The following ELOC variants were observed in gnomAD, a reference collection of about 807,000 sequenced individuals.
ELOC encodes elongin-C.
For missense variants in ELOC, 38 were observed against 139.0 expected, an observed-to-expected ratio of 0.27 and a Z score of 3.65; for synonymous variants, 40 against 51.3, an observed-to-expected ratio of 0.78 and a Z score of 0.94.
chr8:73,957,786 A>G (rs969990128), intron 2 of ELOC, among the ~76,000 whole-genome samples: 2 of 152,020 alleles, frequency 1.3e-5, no homozygotes, highest in African/African-American at 4.8e-5. Context: ...CTATTTGTTT[A>G]TTTATTTTTA....
At chr8:73,953,065 G>T (rs781219976) in intron 3 of ELOC, among the ~76,000 whole-genome samples, 1 of 152,158 alleles carries the variant, frequency 6.6e-6, no homozygotes. Context: ...AGCACTTTGC[G>T]AGGCCGAGGT....
intron 1 of ELOC, among the ~76,000 whole-genome samples, chr8:73,965,473 C>T (rs1002426374): frequency 6.6e-6 from 1 of 152,054 alleles, no homozygotes; most frequent in Non-Finnish European, 1.5e-5. Context: ...TCTACTGATA[C>T]AACATGGAAG....
chr8:73,955,702 T>C lies in ELOC; in HGVS notation c.148+209A>G, dbSNP rs574553126. On this transcript the variant is annotated intron_variant, in intron 3 of 3. Coordinates refer to ENST00000520242, the MANE Select transcript of ELOC (RefSeq NM_005648.4). ...ATTGCCTGAACCCAGCAGGCGGAGATTGCAGTGAGCTGAGACCGCACCATT... is the reference window on the plus strand; with the variant it reads ...ATTGCCTGAACCCAGCAGGCGGAGACTGCAGTGAGCTGAGACCGCACCATT... 292 of 558,740 alleles carry C rather than the reference T, an allele frequency of 5.2e-4. 1 individual carries two copies. The highest frequency in any genetic ancestry group is 9.2e-4 in the Admixed American group (28 of 30,584). The allele number at this position is 558,740 out of a possible 1,614,324, so 34.6% of individuals were successfully genotyped here. A position where few individuals can be genotyped will look rare whatever the true frequency, so the allele number is the denominator to read the frequency against.
chr8:73,967,160 G>C (rs917770611), intron 1 of ELOC, among the ~76,000 whole-genome samples: 1 of 152,064 alleles, frequency 6.6e-6, no homozygotes, highest in Non-Finnish European at 1.5e-5. Flanking sequence ...TATGTATCAA[G>C]GGCCTACCAT....
At chr8:73,962,219 C>T (rs1312126337) in intron 1 of ELOC, among the ~76,000 whole-genome samples, 1 of 152,134 alleles carries the variant, frequency 6.6e-6, no homozygotes, top group Non-Finnish European at 1.5e-5. Context: ...AACAACTCTT[C>T]CACAAGGGAA....
chr8:73,969,678 CA>C (rs1215996296), intron 1 of ELOC: 2 of 152,168 alleles, frequency 1.3e-5, no homozygotes, highest in African/African-American at 4.8e-5. Flanking sequence ...ATGATCCTAC[CA>C]AAATTAGACA....
intron 3 of ELOC, among the ~76,000 whole-genome samples, chr8:73,949,101 T>A (rs1813578161): frequency 6.6e-6 from 1 of 152,244 alleles, no homozygotes; most frequent in South Asian, 2.1e-4. Flanking sequence ...AGTCTAGTAC[T>A]AGCACTGTAT....
At chr8:73,964,122 T>C (rs1004846373) in intron 1 of ELOC, among the ~76,000 whole-genome samples, 22 of 130,718 alleles carry the variant, frequency 1.7e-4, no homozygotes, top group Middle Eastern at 4.4e-3. Context: ...AAGTATTACA[T>C]ATAGTAGTGT....
intron 1 of ELOC, among the ~76,000 whole-genome samples, chr8:73,960,532 G>C (rs1814520615): frequency 6.6e-6 from 1 of 152,170 alleles, no homozygotes. Flanking sequence ...GGGTGCTGAA[G>C]ACTCAGCTCA....
chr8:73,969,779 CCTTT>C (rs1815234301), intron 1 of ELOC: 1 of 152,166 alleles, frequency 6.6e-6, no homozygotes, highest in Admixed American at 6.5e-5. Context: ...TTACACATAT[CCTTT>C]CTTTCCTCAA....
At chr8:73,970,972 T>A (rs1815338040) in intron 1 of ELOC, among the ~76,000 whole-genome samples, 1 of 134,772 alleles carries the variant, frequency 7.4e-6, no homozygotes, top group African/African-American at 2.8e-5. Context: ...ATGCGGAGGT[T>A]GCAGTGAGCC....
chr8:73,960,077 A>G (rs1340926264), intron 1 of ELOC, among the ~76,000 whole-genome samples: 3 of 152,230 alleles, frequency 2.0e-5, no homozygotes, highest in Admixed American at 2.0e-4. Flanking sequence ...TATAATCATT[A>G]TAAATTGATT....
intron 1 of ELOC, among the ~76,000 whole-genome samples, chr8:73,970,988 C>G (rs1815339845): frequency 8.1e-6 from 1 of 122,798 alleles, no homozygotes; most frequent in Non-Finnish European, 1.6e-5. Context: ...GAGCCGAGAT[C>G]AAGTCACTGC....
chr8:73,960,988 C>T (rs962386284), intron 1 of ELOC, among the ~76,000 whole-genome samples: 69 of 152,174 alleles, frequency 4.5e-4, no homozygotes, highest in African/African-American at 1.6e-3. Context: ...AGAAGTCTTG[C>T]TCTTTACTTA....
intron 3 of ELOC, among the ~76,000 whole-genome samples, chr8:73,953,535 C>T (rs542708097): frequency 4.3e-4 from 65 of 151,818 alleles, no homozygotes; most frequent in African/African-American, 1.3e-3. Context: ...ATTAGCTGGG[C>T]GTGGGGGCGC....
At chr8:73,966,155 CA>C (rs1427451910) in intron 1 of ELOC, among the ~76,000 whole-genome samples, 2 of 152,138 alleles carry the variant, frequency 1.3e-5, no homozygotes, top group Non-Finnish European at 2.9e-5. Context: ...CTCACCTAGG[CA>C]CTGGGGACAG....
chr8:73,951,520 C>CTG (rs1381957405), intron 3 of ELOC, among the ~76,000 whole-genome samples: 3 of 151,920 alleles, frequency 2.0e-5, no homozygotes, highest in Non-Finnish European at 4.4e-5. Context: ...AGGTGCATGC[C>CTG]TGTGGTTCCA....
At chr8:73,971,606 A>C (rs922438187) in intron 1 of ELOC, among the ~76,000 whole-genome samples, 16 of 151,740 alleles carry the variant, frequency 1.1e-4, no homozygotes, top group Admixed American at 1.1e-3. Flanking sequence ...GATACCCCCA[A>C]CTCATGAAGT....
chr8:73,968,885 T>C (rs1008095743), intron 1 of ELOC, among the ~76,000 whole-genome samples: 2 of 152,214 alleles, frequency 1.3e-5, no homozygotes, highest in African/African-American at 2.4e-5. Flanking sequence ...TTTTATACAA[T>C]TGCCTACTCC....
Sources: gnomAD v4.1 joint callset for allele counts (sites outside exome capture counted in the v4.1 genomes callset) on GRCh38, gnomAD v4.1.1 for gene constraint, MANE v1.5 for transcripts, NCBI Gene and HGNC (gene_info 2026-07-23, HGNC 2026-07-21) for gene names.